Variants in SLC25A28 observed in about 807,000 individuals in gnomAD.
The protein encoded by SLC25A28 is mitoferrin-2.
A neutral mutation model predicts 31.9 loss-of-function variants in SLC25A28; 10 were observed. The ratio of observed to expected loss-of-function variants is 0.31; its 90% CI spans 0.19 to 0.53. The LOEUF (loss-of-function observed/expected upper bound fraction) is 0.53, where lower values mean the gene tolerates loss of function less well. Ranked by LOEUF, SLC25A28 falls within the 20% of genes least tolerant of loss-of-function variation. The probability of loss-of-function intolerance (pLI) is 0.95; values close to 1 mark genes in which losing one functional copy is unlikely to be tolerated. For missense variants in SLC25A28, 256 were observed against 490.3 expected (o/e 0.52, Z 4.51); for synonymous variants, 208 against 203.6 (o/e 1.02, Z -0.19).
At chr10:99,648,461 T>C in the SLC25A28 span, among the ~76,000 whole-genome samples, 2 of 151,392 alleles carry the variant, frequency 1.3e-5, no homozygotes, top group African/African-American at 4.9e-5. Flanking sequence ...ATATGAATTT[T>C]AGGATTTTTT....
chr10:99,637,747 G>T, the SLC25A28 span, among the ~76,000 whole-genome samples: 12 of 152,178 alleles, frequency 7.9e-5, 1 homozygote, highest in South Asian at 2.5e-3. Context: ...CTAAGGAGGC[G>T]AAAGACCTCT....
chr10:99,613,932 T>A lies in SLC25A28; in HGVS notation c.292-8A>T. 1 of 1,593,114 alleles carries A rather than the reference T, an allele frequency of 6.3e-7. No individual in the cohort carries two copies. Among genetic ancestry groups the A allele is most frequent in the Non-Finnish European group, 8.6e-7 (1 of 1,168,302 alleles). ...TAGACTCTGCATCCGGGTCTGAAAT[T>A]ACAGCAAGGAGAAGCGCAATGTCAG... On this transcript the variant is annotated splice_polypyrimidine_tract_variant and splice_region_variant and intron_variant, in intron 1 of 3. Coordinates refer to ENST00000370495, the MANE Select transcript of SLC25A28 (RefSeq NM_031212.4). This position sits in a 1 kb window ranked among gnomAD's most constrained non-coding sequence, Gnocchi z 4.9.
intron 1 of SLC25A28, 147 bp downstream of exon 1, chr10:99,619,898 G>T: frequency 1.3e-6 from 1 of 748,432 alleles, no homozygotes; most frequent in Non-Finnish European, 2.0e-6. Flanking sequence ...TTGCTTGAAT[G>T]GAGTGTCGGT....
upstream of SLC25A28, chr10:99,621,861 T>C (rs1051519558): frequency 6.6e-6 from 1 of 152,288 alleles, no homozygotes; most frequent in South Asian, 2.1e-4. Context: ...GCAGTTGTTA[T>C]TAACCTTTAG....
chr10:99,634,914 A>G, the SLC25A28 span, among the ~76,000 whole-genome samples: 29 of 152,346 alleles, frequency 1.9e-4, no homozygotes, highest in African/African-American at 6.7e-4. Flanking sequence ...GGTAACCTAT[A>G]AAGGAAAACC....
the SLC25A28 span, among the ~76,000 whole-genome samples, chr10:99,629,328 C>T: frequency 1.3e-5 from 2 of 152,148 alleles, no homozygotes; most frequent in African/African-American, 4.8e-5. Context: ...ATGCTGGTTC[C>T]CTGCTTCTTG....
the SLC25A28 span, among the ~76,000 whole-genome samples, chr10:99,632,196 C>T: frequency 6.6e-6 from 1 of 151,978 alleles, no homozygotes; most frequent in East Asian, 1.9e-4. Context: ...GCGCCTGGCC[C>T]AGTATGTTAT....
chr10:99,615,595 C>T (rs891491559), intron 1 of SLC25A28: 8 of 985,272 alleles, frequency 8.1e-6, no homozygotes, highest in African/African-American at 1.7e-5. Context: ...TATCACTTAT[C>T]ACAATTTGAC....
the SLC25A28 span, among the ~76,000 whole-genome samples, chr10:99,642,622 G>A: frequency 2.0e-5 from 3 of 152,166 alleles, no homozygotes; most frequent in African/African-American, 7.2e-5. Flanking sequence ...AGTGGTGAGA[G>A]AGGGCATCCC....
At chr10:99,634,038 G>C in the SLC25A28 span, among the ~76,000 whole-genome samples, 1 of 152,294 alleles carries the variant, frequency 6.6e-6, no homozygotes, top group South Asian at 2.1e-4. Flanking sequence ...GCTAGACCCA[G>C]AAAAGAGATA....
chr10:99,643,703 A>G, the SLC25A28 span, among the ~76,000 whole-genome samples: 1 of 152,228 alleles, frequency 6.6e-6, no homozygotes, highest in African/African-American at 2.4e-5. Context: ...GTGGGCATTT[A>G]ATGCTATAAA....
chr10:99,624,825 A>G (rs939925105), upstream of SLC25A28, among the ~76,000 whole-genome samples: 10 of 152,170 alleles, frequency 6.6e-5, no homozygotes, highest in African/African-American at 2.2e-4. Context: ...ATAGAGTGAG[A>G]CCCTATCTCA....
the SLC25A28 span, among the ~76,000 whole-genome samples, chr10:99,659,252 G>A: frequency 5.9e-5 from 9 of 152,224 alleles, no homozygotes; most frequent in African/African-American, 9.6e-5. The surrounding 1 kb of genome is among the most constrained non-coding windows in gnomAD (Gnocchi z 4.1). Flanking sequence ...TCACCTGTGA[G>A]CTCTCCGCGG....
chr10:99,646,021 G>C, the SLC25A28 span, among the ~76,000 whole-genome samples: 1 of 152,218 alleles, frequency 6.6e-6, no homozygotes, highest in Non-Finnish European at 1.5e-5. Context: ...GGACCCACTT[G>C]AGGAGGCAGT....
chr10:99,639,722 TACACACACAC>T, the SLC25A28 span, among the ~76,000 whole-genome samples: 4 of 131,130 alleles, frequency 3.1e-5, no homozygotes, highest in South Asian at 2.7e-4. Context: ...GCACCATGGG[TACACACACAC>T]ACACACACAC....
intron 1 of SLC25A28, chr10:99,615,677 A>G (rs2034634588): frequency 2.0e-6 from 2 of 985,338 alleles, no homozygotes; most frequent in South Asian, 9.4e-5. Context: ...CATCTTTCAC[A>G]TCACACAAGG....
the SLC25A28 span, among the ~76,000 whole-genome samples, chr10:99,650,583 C>T: frequency 6.6e-6 from 1 of 151,910 alleles, no homozygotes; most frequent in Non-Finnish European, 1.5e-5. Context: ...GGGTAGGGCA[C>T]GTTCCAGGCA....
intron 1 of SLC25A28, chr10:99,619,289 T>C: frequency 2.0e-6 from 2 of 985,432 alleles, no homozygotes; most frequent in Non-Finnish European, 2.4e-6. Flanking sequence ...AACTTCTCCC[T>C]TTTTGCCAAC....
chr10:99,627,358 T>C, the SLC25A28 span, among the ~76,000 whole-genome samples: 1 of 151,954 alleles, frequency 6.6e-6, no homozygotes, highest in Non-Finnish European at 1.5e-5. Context: ...GAGAATGGGG[T>C]ATCCATCCCC....
Sources: allele counts gnomAD v4.1 joint callset (sites outside exome capture counted in the v4.1 genomes callset), GRCh38; gene constraint gnomAD v4.1.1; non-coding constraint Gnocchi (gnomAD v3.1); transcripts MANE v1.5; gene names NCBI Gene and HGNC (gene_info 2026-07-23, HGNC 2026-07-21).